FAF1: variants seen among roughly 807,000 people sequenced by gnomAD.
FAF1 encodes the protein Fas associated factor 1.
Under a neutral mutation model 92.5 loss-of-function variants are expected in FAF1, and 25 were observed. The observed-to-expected ratio is 0.27, with a 90% CI of 0.20 to 0.38. The LOEUF is 0.38. Among genes scored for constraint, FAF1 ranks in the 10% least tolerant of loss-of-function variants. The probability of loss-of-function intolerance (pLI) is 1.00; values close to 1 mark genes in which losing one functional copy is unlikely to be tolerated. For missense variants in FAF1, 636 were observed against 793.3 expected (o/e 0.80, Z 2.38); for synonymous variants, 234 against 273.2 (o/e 0.86, Z 1.42).
intron 13 of FAF1, among the ~76,000 whole-genome samples, chr1:50,560,861 T>C (rs1649868920): frequency 6.6e-6 from 1 of 152,260 alleles, no homozygotes; most frequent in Non-Finnish European, 1.5e-5. Flanking sequence ...ACATATGTGA[T>C]GTAGCTTTCC....
At chr1:50,520,823 C>T (rs1401698899) in intron 15 of FAF1, among the ~76,000 whole-genome samples, 1 of 152,150 alleles carries the variant, frequency 6.6e-6, no homozygotes, top group African/African-American at 2.4e-5. Context: ...CCAGCATGAG[C>T]AACAGAGTGA....
intron 15 of FAF1, among the ~76,000 whole-genome samples, chr1:50,502,069 TTGTAA>T (rs1371176201): frequency 3.3e-5 from 5 of 152,202 alleles, no homozygotes; most frequent in Non-Finnish European, 7.3e-5. Flanking sequence ...GTAACCTCTG[TTGTAA>T]TGTAACTATT....
chr1:50,772,465 T>C (rs949998117), intron 4 of FAF1, among the ~76,000 whole-genome samples: 3 of 152,120 alleles, frequency 2.0e-5, no homozygotes, highest in Admixed American at 1.3e-4. Context: ...TCATCAATGG[T>C]AGACTGGATG....
Position 50,583,405 on chromosome 1 carries a change from A to G in FAF1, c.1031+247T>C, listed in dbSNP as rs1177711511. Among the ~76,000 whole-genome samples, 1 of 152,022 alleles carries G rather than the reference A, an allele frequency of 6.6e-6. No homozygotes were observed. The highest frequency in any genetic ancestry group is 1.5e-5 in the Non-Finnish European group (1 of 67,902). ...AGTCCTTTGGGAATATAATAAAAATATTAAATTAGGATCCATTTATTGAAC... is the reference window on the plus strand; with the variant it reads ...AGTCCTTTGGGAATATAATAAAAATGTTAAATTAGGATCCATTTATTGAAC... On this transcript the variant is annotated intron_variant, in intron 11 of 18. Coordinates refer to ENST00000396153, the MANE Select transcript of FAF1 (RefSeq NM_007051.3). The surrounding 1 kb of genome is among the most constrained non-coding windows in gnomAD (Gnocchi z 4.2).
In FAF1 at chr1:50,554,848, A is replaced by G. The variant is rs560070859; in HGVS notation, c.1268+12229T>C. Reference sequence around the variant, plus strand: ...TTTCATAGATGAAAAAGAAAGATCTAGAAATGTTATACTACTTGTCTAATA... The same window carrying G: ...TTTCATAGATGAAAAAGAAAGATCTGGAAATGTTATACTACTTGTCTAATA... On this transcript the variant is annotated intron_variant, in intron 13 of 18. Coordinates refer to ENST00000396153, the MANE Select transcript of FAF1 (RefSeq NM_007051.3). Among the ~76,000 whole-genome samples the G allele has an allele frequency of 3.3e-5, 5 of 152,314 alleles. No individual in the cohort carries two copies. The South Asian group carries it at 8.3e-4, about 25-fold the overall frequency.
intron 1 of FAF1, among the ~76,000 whole-genome samples, chr1:50,859,929 C>A (rs1295017688): frequency 2.0e-5 from 3 of 151,572 alleles, no homozygotes; most frequent in Admixed American, 6.6e-5. Flanking sequence ...AATAGAGAAC[C>A]CAGAAATAAA....
intron 7 of FAF1, among the ~76,000 whole-genome samples, chr1:50,667,480 T>TA (rs1655689058): frequency 1.3e-5 from 2 of 152,352 alleles, no homozygotes; most frequent in South Asian, 4.1e-4. Flanking sequence ...GTGAAACTCT[T>TA]ATCAGAAACA....
At chr1:50,902,336 C>T (rs1265945188) in intron 1 of FAF1, among the ~76,000 whole-genome samples, 1 of 152,036 alleles carries the variant, frequency 6.6e-6, no homozygotes, top group Non-Finnish European at 1.5e-5. Context: ...GCAGTAAGTA[C>T]AAAATACACA....
At chr1:50,660,463 T>C (rs1345144706) in intron 7 of FAF1, among the ~76,000 whole-genome samples, 1 of 151,998 alleles carries the variant, frequency 6.6e-6, no homozygotes, top group Non-Finnish European at 1.5e-5. Context: ...GTTTAAGGTG[T>C]TGCGGCATAC....
intron 2 of FAF1, among the ~76,000 whole-genome samples, chr1:50,833,379 G>T (rs1412685928): frequency 6.6e-6 from 1 of 151,768 alleles, no homozygotes; most frequent in Non-Finnish European, 1.5e-5. Context: ...AAATGGAAAA[G>T]ATACACAGGG....
intron 18 of FAF1, among the ~76,000 whole-genome samples, chr1:50,471,684 A>G (rs1247671245): frequency 6.6e-6 from 1 of 152,194 alleles, no homozygotes; most frequent in Non-Finnish European, 1.5e-5. Context: ...CTGTGTCATT[A>G]TATCAGTGGC....
At chr1:50,669,820 G>T (rs1200476972) in intron 7 of FAF1, among the ~76,000 whole-genome samples, 1 of 152,152 alleles carries the variant, frequency 6.6e-6, no homozygotes, top group African/African-American at 2.4e-5. Context: ...TCTGCCTGAG[G>T]CATAAAATTT....
At chr1:50,529,405 T>C (rs1444922138) in intron 15 of FAF1, among the ~76,000 whole-genome samples, 1 of 152,228 alleles carries the variant, frequency 6.6e-6, no homozygotes, top group Non-Finnish European at 1.5e-5. Context: ...CCTTATTATC[T>C]ATTAACAGTC....
At chr1:50,771,765 G>A (rs1660782387) in intron 4 of FAF1, among the ~76,000 whole-genome samples, 1 of 152,138 alleles carries the variant, frequency 6.6e-6, no homozygotes. Context: ...GCTGGGCGTG[G>A]TGGTGGGCGC....
intron 3 of FAF1, among the ~76,000 whole-genome samples, chr1:50,796,058 A>AG (rs1661737280): frequency 6.6e-6 from 1 of 151,320 alleles, no homozygotes; most frequent in African/African-American, 2.5e-5. Flanking sequence ...AACAACAACA[A>AG]CAAAAAAAAA....
chr1:50,533,822 A>ATAT (rs1648317737), intron 15 of FAF1, among the ~76,000 whole-genome samples: 1 of 152,190 alleles, frequency 6.6e-6, no homozygotes, highest in Non-Finnish European at 1.5e-5. Context: ...TATTTGTTTC[A>ATAT]TATTTTAAGG....
chr1:50,838,032 C>G (rs1436884467), intron 2 of FAF1, among the ~76,000 whole-genome samples: 1 of 152,072 alleles, frequency 6.6e-6, no homozygotes, highest in Non-Finnish European at 1.5e-5. Context: ...CGTGAGCCAC[C>G]GCGCCTGGCT....
intron 13 of FAF1, among the ~76,000 whole-genome samples, chr1:50,541,341 A>G (rs1241636284): frequency 1.3e-5 from 2 of 152,188 alleles, no homozygotes; most frequent in Admixed American, 6.5e-5. Context: ...TGGCAATTTC[A>G]TATCAGTGCC....
In FAF1 at chr1:50,819,740, CAT is replaced by C. The variant is rs1553142997; in HGVS notation, c.115-18065_115-18064del. 2.3e-3 allele frequency among the ~76,000 whole-genome samples: 65 copies of C among 28,012 alleles called. 5 individuals are homozygous for C. The highest frequency in any genetic ancestry group is 8.6e-3 in the African/African-American group (61 of 7,090). 18.4% of individuals were successfully genotyped at this position (28,012 alleles called of 152,430 possible). Reference sequence around the variant, plus strand: ...ACGTATATATATATACATATATATACATATATATATACATATATATATACGTA... The same window carrying C: ...ACGTATATATATATACATATATATACATATATATACATATATATATACGTA... On this transcript the variant is annotated intron_variant, in intron 2 of 18. Transcript: ENST00000396153.
Sources: gnomAD v4.1 joint callset for allele counts (sites outside exome capture counted in the v4.1 genomes callset) on GRCh38, gnomAD v4.1.1 for gene constraint, Gnocchi (gnomAD v3.1) non-coding constraint, MANE v1.5 for transcripts, NCBI Gene and HGNC (gene_info 2026-07-23, HGNC 2026-07-21) for gene names.